Variants in CXADR observed in about 807,000 individuals in gnomAD.
CXADR encodes coxsackievirus and adenovirus receptor.
A neutral mutation model predicts 40.3 loss-of-function variants in CXADR; 20 were observed. That is an observed-to-expected ratio of 0.50 (90% CI 0.35 to 0.72). CXADR has a LOEUF of 0.72. CXADR is among the 30% of genes least tolerant of loss of function. The probability of loss-of-function intolerance (pLI) is 0.01; values close to 1 mark genes in which losing one functional copy is unlikely to be tolerated. For missense variants in CXADR, 332 were observed against 449.1 expected, an observed-to-expected ratio of 0.74 and a Z score of 2.36; for synonymous variants, 150 against 161.3, an observed-to-expected ratio of 0.93 and a Z score of 0.53.
At chr21:17,599,306 A>G in the CXADR span, among the ~76,000 whole-genome samples, 1 of 151,598 alleles carries the variant, frequency 6.6e-6, no homozygotes, top group Non-Finnish European at 1.5e-5. Context: ...CAAACCTCCC[A>G]AGAGGCTGGG....
intron 7 of CXADR, among the ~76,000 whole-genome samples, chr21:17,589,043 C>A (rs2061416903): frequency 6.6e-6 from 1 of 151,666 alleles, no homozygotes. Flanking sequence ...AATAAATTTT[C>A]TTTCACTTTT....
chr21:17,560,126 C>T (rs529913495), intron 4 of CXADR, among the ~76,000 whole-genome samples: 2 of 152,246 alleles, frequency 1.3e-5, no homozygotes, highest in South Asian at 2.1e-4. Context: ...CCGTGTGACA[C>T]TAACTAGAAA....
intron 1 of CXADR, among the ~76,000 whole-genome samples, chr21:17,531,640 C>T (rs1293255207): frequency 1.3e-5 from 2 of 152,182 alleles, no homozygotes; most frequent in Non-Finnish European, 1.5e-5. Flanking sequence ...ACAAAATGTT[C>T]AGCCTCTTGT....
chr21:17,559,361 A>C (rs1017767101), intron 4 of CXADR, among the ~76,000 whole-genome samples: 1 of 151,218 alleles, frequency 6.6e-6, no homozygotes, highest in African/African-American at 2.4e-5. Context: ...TTTTTTAAAA[A>C]ATGTGTAGAG....
At chr21:17,602,177 A>C in the CXADR span, among the ~76,000 whole-genome samples, 2 of 152,198 alleles carry the variant, frequency 1.3e-5, no homozygotes, top group Non-Finnish European at 2.9e-5. Context: ...AAAAAGTTGT[A>C]AAATATGTTG....
In CXADR at chr21:17,570,015, T is replaced by A. The variant is rs1485064760; in HGVS notation, c.*4323T>A. On this transcript the variant is annotated 3_prime_UTR_variant, in exon 7 of 7. Coordinates refer to ENST00000284878, the MANE Select transcript of CXADR (RefSeq NM_001338.5). ...ATATCCAATGGTGCAGATTTTGAAA[T>A]TTGTAAGAACAAAATTTGTTAAGAA... 1.0e-6 allele frequency: 1 copy of A among 985,326 alleles called. No individual in the cohort carries two copies. Among genetic ancestry groups the A allele is most frequent in the African/African-American group, 1.7e-5 (1 of 57,248 alleles). The allele number at this position is 985,326 out of a possible 1,614,324, so 61.0% of individuals were successfully genotyped here.
At chr21:17,546,992 C>CA (rs776541629) in intron 1 of CXADR, 35 bp from the exon 2 acceptor site, 3 of 1,609,098 alleles carry the variant, frequency 1.9e-6, no homozygotes, top group Non-Finnish European at 1.7e-6. Flanking sequence ...CAGCGTATAG[C>CA]AAATGCTTAG....
chr21:17,599,746 C>A, the CXADR span, among the ~76,000 whole-genome samples: 2 of 152,226 alleles, frequency 1.3e-5, no homozygotes. Context: ...TCCCAAAGTG[C>A]TGGGTTTATA....
intron 1 of CXADR, among the ~76,000 whole-genome samples, chr21:17,524,934 A>G (rs568157282): frequency 6.6e-6 from 1 of 152,280 alleles, no homozygotes; most frequent in South Asian, 2.1e-4. Flanking sequence ...AATTAGACTT[A>G]AATTAAGCCT....
chr21:17,591,036 TACC>T (rs2123406383), intron 7 of CXADR, among the ~76,000 whole-genome samples: 1 of 152,186 alleles, frequency 6.6e-6, no homozygotes, highest in East Asian at 1.9e-4. Context: ...CTCATTAATT[TACC>T]TTCGCACTGG....
the CXADR span, chr21:17,609,191 A>G: frequency 6.3e-7 from 1 of 1,579,230 alleles, no homozygotes; most frequent in South Asian, 1.2e-5. Context: ...AAAACAAAAT[A>G]TAAAAACTGG....
intron 1 of CXADR, among the ~76,000 whole-genome samples, chr21:17,529,034 C>CTTTTTTTTTTT (rs10530177): frequency 2.5e-5 from 3 of 121,384 alleles, no homozygotes; most frequent in African/African-American, 5.9e-5. Context: ...GACTTTTTGT[C>CTTTTTTTTTTT]TTTTTTTTTT....
At position 17,569,120 on chromosome 21, in the gene CXADR, C is replaced by T. The variant is rs1873454824; in HGVS notation, c.*3428C>T. The T allele has an allele frequency of 2.0e-6, 2 of 985,326 alleles. No individual in the cohort carries two copies. Among genetic ancestry groups the T allele is most frequent in the Non-Finnish European group, 2.4e-6 (2 of 829,928 alleles). The allele number at this position is 985,326 out of a possible 1,614,324, so 61.0% of individuals were successfully genotyped here. ...GACTATCAAATTCTGTGATGTGTGG[C>T]TTCTTAAAAATATTCTCAGTGTCTT... On this transcript the variant is annotated 3_prime_UTR_variant, in exon 7 of 7. Transcript: ENST00000284878.
chr21:17,563,801 T>C (rs2849900), intron 6 of CXADR, among the ~76,000 whole-genome samples: 100,885 of 150,436 alleles, frequency 0.67, 33,879 homozygotes, highest in East Asian at 0.77. Flanking sequence ...ATTAGCCGGG[T>C]GCAGTGGCGG....
At position 17,566,868 on chromosome 21, in the gene CXADR, C is replaced by T; in HGVS notation, c.*1176C>T. On this transcript the variant is annotated 3_prime_UTR_variant, in exon 7 of 7. Transcript: ENST00000284878. ...GTACAGTTGCTGTTGTGTGATCAAACATGTCTCTGTGTAGTTCCAGCAAAT... is the reference window on the plus strand; with the variant it reads ...GTACAGTTGCTGTTGTGTGATCAAATATGTCTCTGTGTAGTTCCAGCAAAT... 4 of 983,192 alleles carry T rather than the reference C, an allele frequency of 4.1e-6. No homozygotes were observed. The highest frequency in any genetic ancestry group is 5.2e-4 in the Middle Eastern group (1 of 1,910). The allele number at this position is 983,192 out of a possible 1,614,324, so 60.9% of individuals were successfully genotyped here.
At chr21:17,579,756 G>A (rs2061347405) in intron 7 of CXADR, among the ~76,000 whole-genome samples, 1 of 152,176 alleles carries the variant, frequency 6.6e-6, no homozygotes, top group Non-Finnish European at 1.5e-5. Flanking sequence ...TGATGGTGCT[G>A]GTGAGGTTTG....
At chr21:17,589,309 T>C (rs2061418691) in intron 7 of CXADR, among the ~76,000 whole-genome samples, 1 of 152,086 alleles carries the variant, frequency 6.6e-6, no homozygotes, top group African/African-American at 2.4e-5. Context: ...CAACAGATTG[T>C]CCACAAAACA....
chr21:17,517,738 G>A (rs2060478724), intron 1 of CXADR, among the ~76,000 whole-genome samples: 1 of 152,150 alleles, frequency 6.6e-6, no homozygotes, highest in Non-Finnish European at 1.5e-5. Flanking sequence ...GGTGGGATTA[G>A]GCACTCGCTT....
chr21:17,596,818 T>C (rs956043741), downstream of CXADR, among the ~76,000 whole-genome samples: 1 of 152,120 alleles, frequency 6.6e-6, no homozygotes, highest in Non-Finnish European at 1.5e-5. Context: ...TCTACAGATC[T>C]ATTTCAGGAG....
Sources: allele counts gnomAD v4.1 joint callset (sites outside exome capture counted in the v4.1 genomes callset), GRCh38; gene constraint gnomAD v4.1.1; transcripts MANE v1.5; gene names NCBI Gene and HGNC (gene_info 2026-07-23, HGNC 2026-07-21).